PPFIBP2: variants seen among roughly 807,000 people sequenced by gnomAD.
PPFIBP2 encodes liprin-beta-2.
A neutral mutation model predicts 118.3 loss-of-function variants in PPFIBP2; 118 were observed. That is an observed-to-expected ratio of 1.00 (90% CI 0.86 to 1.16). The LOEUF (loss-of-function observed/expected upper bound fraction) is 1.16, where lower values mean the gene tolerates loss of function less well. Among genes scored for constraint, PPFIBP2 ranks in the 50% most tolerant of loss-of-function variants. The probability of loss-of-function intolerance (pLI) is 0.00; values close to 1 mark genes in which losing one functional copy is unlikely to be tolerated. For missense variants in PPFIBP2, 1,195 were observed against 1,073.1 expected, an observed-to-expected ratio of 1.11 and a Z score of -1.59; for synonymous variants, 414 against 397.4, an observed-to-expected ratio of 1.04 and a Z score of -0.50.
At chr11:7,651,987 G>C in intron 23 of PPFIBP2, 143 bp downstream of exon 23, 2 of 795,280 alleles carry the variant, frequency 2.5e-6, no homozygotes, top group Non-Finnish European at 3.8e-6. Context: ...TGGGCTTGTG[G>C]TCTGTGAGGC....
intron 15 of PPFIBP2, chr11:7,641,091 G>A (rs1165564624): frequency 7.9e-7 from 1 of 1,259,240 alleles, no homozygotes; most frequent in East Asian, 5.5e-5. Flanking sequence ...CAGGTGAGGT[G>A]GAGAGTGAGA....
At chr11:7,550,446 T>C (rs1257478735) in intron 2 of PPFIBP2, among the ~76,000 whole-genome samples, 2 of 152,200 alleles carry the variant, frequency 1.3e-5, no homozygotes, top group Non-Finnish European at 2.9e-5. Context: ...TCATCTGACT[T>C]ACAGAGGGCT....
chr11:7,607,372 G>A (rs1481848115), intron 5 of PPFIBP2, among the ~76,000 whole-genome samples: 2 of 146,610 alleles, frequency 1.4e-5, no homozygotes, highest in African/African-American at 2.6e-5. Context: ...CACCACGGGT[G>A]CTAATTTTTT....
At chr11:7,588,149 C>CT (rs1858550920) in intron 3 of PPFIBP2, among the ~76,000 whole-genome samples, 1 of 152,172 alleles carries the variant, frequency 6.6e-6, no homozygotes, top group East Asian at 1.9e-4. Flanking sequence ...GCATGAGGAA[C>CT]TTATCAAGAG....
At chr11:7,610,562 A>G in intron 6 of PPFIBP2, 140 bp downstream of exon 6, 1 of 1,205,508 alleles carries the variant, frequency 8.3e-7, no homozygotes, top group South Asian at 1.7e-5. Flanking sequence ...GTGATCTGTT[A>G]ATACCAAGTT....
the PPFIBP2 span, chr11:7,665,093 C>G: frequency 2.3e-5 from 6 of 259,468 alleles, no homozygotes; most frequent in East Asian, 2.5e-4. Flanking sequence ...AGCCACACTT[C>G]ATGGGCTGTC....
intron 3 of PPFIBP2, among the ~76,000 whole-genome samples, chr11:7,584,846 C>G (rs1279278119): frequency 1.3e-5 from 2 of 152,194 alleles, no homozygotes; most frequent in Non-Finnish European, 2.9e-5. Flanking sequence ...GCCTTAGTAA[C>G]TTTGATATCT....
intron 14 of PPFIBP2, 73 bp downstream of exon 14, chr11:7,635,666 A>G (rs1851357259): frequency 1.3e-6 from 2 of 1,489,606 alleles, no homozygotes; most frequent in East Asian, 4.5e-5. Context: ...AGCAAGTCAT[A>G]GTTTTCATAA....
intron 9 of PPFIBP2, 97 bp from the exon 10 acceptor site, chr11:7,629,362 C>A: frequency 8.3e-7 from 1 of 1,211,138 alleles, no homozygotes; most frequent in Non-Finnish European, 1.2e-6. Context: ...CGTGGGATTT[C>A]TTCTCCTTGT....
chr11:7,648,913 TAAGG>T lies in PPFIBP2; in HGVS notation c.1909+4_1909+7del. 4 of 1,609,716 alleles carry T rather than the reference TAAGG, an allele frequency of 2.5e-6. No homozygotes were observed. Among genetic ancestry groups the T allele is most frequent in the Non-Finnish European group, 3.4e-6 (4 of 1,176,050 alleles). On this transcript the variant is annotated splice_donor_5th_base_variant and intron_variant, in intron 19 of 23. Transcript: ENST00000299492. ...TGCTAGACCACATTTGGGTGACAAG[TAAGG>T]ATAGGCATATATGTATTAAGAATGT...
At chr11:7,617,238 G>C in intron 6 of PPFIBP2, 1 of 985,436 alleles carries the variant, frequency 1.0e-6, no homozygotes, top group Non-Finnish European at 1.2e-6. Flanking sequence ...GGCCAGCGAC[G>C]GTGTGGCCGA....
chr11:7,649,302 G>A (rs1454568234), intron 20 of PPFIBP2, 67 bp downstream of exon 20: 2 of 1,433,272 alleles, frequency 1.4e-6, no homozygotes, highest in Non-Finnish European at 1.9e-6. Flanking sequence ...TACCCATGGT[G>A]GTTATTTTAA....
Position 7,580,731 on chromosome 11 carries a change from C to G in PPFIBP2, c.280-12401C>G, listed in dbSNP as rs115714293. On this transcript the variant is annotated intron_variant, in intron 3 of 23. Coordinates refer to ENST00000299492, the MANE Select transcript of PPFIBP2 (RefSeq NM_003621.5). ...ATCTCAAAAGTCTGGATTTCTTTAACTATAAAATAAGGGAGATAATAGTAC... is the reference window on the plus strand; with the variant it reads ...ATCTCAAAAGTCTGGATTTCTTTAAGTATAAAATAAGGGAGATAATAGTAC... 6.8e-3 allele frequency among the ~76,000 whole-genome samples: 1,031 copies of G among 152,250 alleles called. 13 individuals carry two copies. The highest frequency in any genetic ancestry group is 0.023 in the African/African-American group (958 of 41,544).
In PPFIBP2 at chr11:7,536,255, A is replaced by G. The variant is rs541311358; in HGVS notation, c.-36-13185A>G. On this transcript the variant is annotated intron_variant, in intron 1 of 23. Transcript: ENST00000299492. ...GACCGCCTCTTAAGGAAATGGGAAC[A>G]CAAGCGGCTGGCTGGATGAGAGCAT... Among the ~76,000 whole-genome samples the G allele has an allele frequency of 2.6e-5, 4 of 152,274 alleles. No individual in the cohort carries two copies. The East Asian group carries it at 7.8e-4, about 30-fold the overall frequency.
Position 7,642,352 on chromosome 11 carries a change from G to A in PPFIBP2, c.1572G>A (p.Glu524=). 1 of 1,614,210 alleles carries A rather than the reference G, an allele frequency of 6.2e-7. No individual in the cohort carries two copies. Among genetic ancestry groups the A allele is most frequent in the Non-Finnish European group, 8.5e-7 (1 of 1,180,026 alleles). ...ACACTGACACGCTGGGGATGGCAGA[G>A]TTTCGACGAGGTGGGCTCCGGGCAA... The part of the protein sequence containing the change: ...NFYTDTLGMA[E]FRRGGLRATA... The change falls in exon 17 of 24, where the codon GAG becomes GAA. Residue 524 remains glutamate, a synonymous_variant. Coordinates refer to ENST00000299492, the MANE Select transcript of PPFIBP2 (RefSeq NM_003621.5).
At chr11:7,645,212 GT>G (rs1041055121) in intron 17 of PPFIBP2, among the ~76,000 whole-genome samples, 6 of 152,064 alleles carry the variant, frequency 3.9e-5, no homozygotes, top group African/African-American at 1.4e-4. Flanking sequence ...GATCCATGTA[GT>G]TTGGGTTTAG....
chr11:7,618,885 G>GTT (rs36101082), intron 6 of PPFIBP2, among the ~76,000 whole-genome samples: 6,359 of 124,420 alleles, frequency 0.051, 214 homozygotes, highest in Middle Eastern at 0.1. Context: ...CCATCCAGAA[G>GTT]TTTTTTTTTT....
intron 2 of PPFIBP2, among the ~76,000 whole-genome samples, chr11:7,561,252 G>GA (rs1427393773): frequency 1.3e-5 from 2 of 152,304 alleles, no homozygotes; most frequent in East Asian, 3.9e-4. Flanking sequence ...TTTTAGTAGA[G>GA]AAGGGGTTTT....
rs145339435 is a variant in PPFIBP2 at position 7,545,989 on chromosome 11, C to T, written c.-36-3451C>T. Among the ~76,000 whole-genome samples, 43 of 152,288 alleles carry T rather than the reference C, an allele frequency of 2.8e-4. No individual in the cohort carries two copies. The East Asian group carries it at 8.1e-3, about 29-fold the overall frequency. On this transcript the variant is annotated intron_variant, in intron 1 of 23. Coordinates refer to ENST00000299492, the MANE Select transcript of PPFIBP2 (RefSeq NM_003621.5). Reference sequence around the variant, plus strand: ...TAATCATATCTATGGAATGGAACTTCTATAAGAAACCCTAAATGAAGGAAG... The same window carrying T: ...TAATCATATCTATGGAATGGAACTTTTATAAGAAACCCTAAATGAAGGAAG...
Sources: allele counts gnomAD v4.1 joint callset (sites outside exome capture counted in the v4.1 genomes callset), GRCh38; gene constraint gnomAD v4.1.1; transcripts MANE v1.5; gene names NCBI Gene and HGNC (gene_info 2026-07-23, HGNC 2026-07-21).